THOC2: variants seen among roughly 807,000 people sequenced by gnomAD.
THOC2 encodes the protein THO complex 2.
Under a neutral mutation model 128.4 loss-of-function variants are expected in THOC2, and 10 were observed. That is an observed-to-expected ratio of 0.08 (90% CI 0.05 to 0.13). The LOEUF (loss-of-function observed/expected upper bound fraction) is 0.13, where lower values mean the gene tolerates loss of function less well. Ranked by LOEUF, THOC2 falls within the 10% of genes least tolerant of loss-of-function variation. The pLI, the probability that THOC2 is intolerant of heterozygous loss-of-function variation, is 1.00. For missense variants in THOC2, 535 were observed against 1,155.7 expected, an observed-to-expected ratio of 0.46 and a Z score of 7.79; for synonymous variants, 393 against 396.9, an observed-to-expected ratio of 0.99 and a Z score of 0.12.
intron 12 of THOC2, among the ~76,000 whole-genome samples, chrX:123,651,950 G>A (rs968232471): frequency 1.8e-5 from 2 of 111,504 alleles, no homozygotes; most frequent in Non-Finnish European, 3.8e-5. Flanking sequence ...CTCATTTTAC[G>A]AGGCCAGCAT....
At chrX:123,622,623 C>T in intron 30 of THOC2, 135 bp downstream of exon 30, 1 of 412,871 alleles carries the variant, frequency 2.4e-6, no homozygotes, top group South Asian at 4.9e-5. Context: ...AAAGCCAAGG[C>T]AGGTGGATCG....
chrX:123,667,114 G>A lies in THOC2; in HGVS notation c.1182C>T (p.Leu394=). The change falls in exon 11 of 39, where the codon CTC becomes CTT. Residue 394 remains leucine (L), a synonymous_variant. Coordinates refer to ENST00000245838, the MANE Select transcript of THOC2 (RefSeq NM_001081550.2). ...AGTATAAAGTTACATACCTTCGGTA[G>A]AGAGGCTCAATAGTTATATGAATGA... ...CKLIHITIEP[L]YRRVGVPKGA... is the part of the protein sequence containing the mutation. 1 of 1,183,063 alleles carries A rather than the reference G, an allele frequency of 8.5e-7. No individual in the cohort carries two copies. Among genetic ancestry groups the A allele is most frequent in the South Asian group, 1.9e-5 (1 of 51,954 alleles).
intron 12 of THOC2, among the ~76,000 whole-genome samples, chrX:123,657,936 T>C (rs557327368): frequency 7.5e-5 from 8 of 106,519 alleles, no homozygotes; most frequent in African/African-American, 2.7e-4. Context: ...ATAGCAACAA[T>C]GTATTTGATT....
intron 22 of THOC2, among the ~76,000 whole-genome samples, chrX:123,631,294 A>C (rs2047475478): frequency 8.9e-6 from 1 of 112,213 alleles, no homozygotes. Flanking sequence ...GATTGAGAGG[A>C]TCTAAAGGGG....
chrX:123,729,371 C>G (rs747942968), intron 1 of THOC2, among the ~76,000 whole-genome samples: 1 of 111,649 alleles, frequency 9.0e-6, no homozygotes, highest in Non-Finnish European at 1.9e-5. Context: ...CTCTAATTAC[C>G]TAATAAAACA....
intron 12 of THOC2, among the ~76,000 whole-genome samples, chrX:123,660,737 C>T (rs1379733758): frequency 8.9e-6 from 1 of 112,136 alleles, no homozygotes; most frequent in Non-Finnish European, 1.9e-5. Flanking sequence ...AAATTTTTTA[C>T]TGGTACAAAT....
At chrX:123,697,571 A>C in intron 5 of THOC2, 110 bp downstream of exon 5, 1 of 463,842 alleles carries the variant, frequency 2.2e-6, no homozygotes, top group Admixed American at 4.4e-5. Context: ...ATCTCACCTT[A>C]TGAGAAAAGT....
chrX:123,603,507 A>G, intron 38 of THOC2: 1 of 635,875 alleles, frequency 1.6e-6, no homozygotes, highest in Middle Eastern at 3.2e-4. Flanking sequence ...AAAAATGTAT[A>G]CACAGGGACC....
intron 22 of THOC2, among the ~76,000 whole-genome samples, chrX:123,629,047 T>C (rs1041225012): frequency 9.1e-6 from 1 of 109,361 alleles, no homozygotes; most frequent in Non-Finnish European, 1.9e-5. Context: ...TTCTTAATTG[T>C]ATGAGGAAAA....
intron 38 of THOC2, among the ~76,000 whole-genome samples, chrX:123,605,144 T>C (rs1280850200): frequency 8.9e-6 from 1 of 111,805 alleles, no homozygotes; most frequent in Non-Finnish European, 1.9e-5. Context: ...GTGGATTCTG[T>C]TGAGCTGAAA....
At chrX:123,653,956 G>A (rs748979470) in intron 12 of THOC2, among the ~76,000 whole-genome samples, 7 of 111,605 alleles carry the variant, frequency 6.3e-5, no homozygotes, top group African/African-American at 1.6e-4. Flanking sequence ...ACATGCACAC[G>A]TATGTTTACT....
intron 1 of THOC2, among the ~76,000 whole-genome samples, chrX:123,717,473 G>C (rs1269671467): frequency 9.0e-6 from 1 of 110,743 alleles, no homozygotes. Context: ...ATTTAACCAA[G>C]GAGGTGAAAG....
At position 123,644,765 on chromosome X, in the gene THOC2, T is replaced by C. The variant is rs771427930; in HGVS notation, c.1559+14A>G. ...TTACTAATAGTTAAAAACATGAAAA[T>C]AATATGTATTTACCTATGCTGATAT... On this transcript the variant is annotated intron_variant, in intron 14 of 38. Transcript: ENST00000245838. 1 of 1,183,899 alleles carries C rather than the reference T, an allele frequency of 8.4e-7. No homozygotes were observed.
intron 1 of THOC2, among the ~76,000 whole-genome samples, chrX:123,728,779 T>C (rs1012763180): frequency 2.7e-5 from 3 of 112,299 alleles, no homozygotes; most frequent in Non-Finnish European, 5.6e-5. Context: ...GTAACTACCA[T>C]TAATAAGGTA....
At position 123,647,146 on chromosome X, in the gene THOC2, G is replaced by C. The variant is rs193075204; in HGVS notation, c.1387-1771C>G. ...TTCATTAAGCAGGAAAATTTGAAAAGGGGAAAGAAATATAGGAAGCAAAAT... is the reference window on the plus strand; with the variant it reads ...TTCATTAAGCAGGAAAATTTGAAAACGGGAAAGAAATATAGGAAGCAAAAT... On this transcript the variant is annotated intron_variant, in intron 12 of 38. Transcript: ENST00000245838. Among the ~76,000 whole-genome samples the C allele has an allele frequency of 5.9e-4, 66 of 111,687 alleles. No individual in the cohort carries two copies. The Admixed American group carries it at 6.1e-3, about 10-fold the overall frequency.
chrX:123,665,884 TAATA>T (rs755162725), intron 11 of THOC2, 47 bp from the exon 12 acceptor site: 18 of 717,483 alleles, frequency 2.5e-5, no homozygotes, highest in East Asian at 1.6e-4. Context: ...AATAAGTATA[TAATA>T]AATATAACTA....
At chrX:123,653,889 G>A (rs2048459800) in intron 12 of THOC2, among the ~76,000 whole-genome samples, 1 of 111,680 alleles carries the variant, frequency 9.0e-6, no homozygotes, top group African/African-American at 3.3e-5. Context: ...ATTTGACCCA[G>A]CAATCCCATT....
At chrX:123,728,891 A>G (rs2052111436) in intron 1 of THOC2, among the ~76,000 whole-genome samples, 1 of 112,086 alleles carries the variant, frequency 8.9e-6, no homozygotes, top group Non-Finnish European at 1.9e-5. Context: ...AAGTATTAAC[A>G]TGAGGCTAGC....
At chrX:123,635,675 T>C (rs1399273689) in intron 19 of THOC2, among the ~76,000 whole-genome samples, 1 of 111,886 alleles carries the variant, frequency 8.9e-6, no homozygotes, top group Non-Finnish European at 1.9e-5. Context: ...TTAAAGGTAT[T>C]ATATACACCC....
Sources: gnomAD v4.1 joint callset for allele counts (sites outside exome capture counted in the v4.1 genomes callset) on GRCh38, gnomAD v4.1.1 for gene constraint, MANE v1.5 for transcripts, NCBI Gene and HGNC (gene_info 2026-07-23, HGNC 2026-07-21) for gene names.